Variants in SPTBN1 observed in about 807,000 individuals in gnomAD.
SPTBN1 encodes the protein spectrin beta, non-erythrocytic 1.
In SPTBN1, 32 loss-of-function variants were observed where a neutral mutation model predicts 266.4. That is an observed-to-expected ratio of 0.12 (90% CI 0.09 to 0.16). The LOEUF is 0.16. Among genes scored for constraint, SPTBN1 ranks in the 10% least tolerant of loss-of-function variants. SPTBN1 has a pLI of 1.00. For synonymous variants in SPTBN1, 1,336 were observed against 1,162.2 expected, an observed-to-expected ratio of 1.15 and a Z score of -3.04; for missense variants, 2,296 against 3,067.1, an observed-to-expected ratio of 0.75 and a Z score of 5.94.
rs1472910899 is a variant in SPTBN1, at chr2:54,558,934, G to T, written c.148+32368G>T. ...GGGCCTGTCCTGGGTGCCAACGGGG[G>T]TTCTTGGAGGCTTTATTTGTGACCC... On this transcript the variant is annotated intron_variant, in intron 2 of 35. Coordinates refer to ENST00000356805, the MANE Select transcript of SPTBN1 (RefSeq NM_003128.3). This position sits in a 1 kb window ranked among gnomAD's most constrained non-coding sequence, Gnocchi z 4.6. The T allele has an allele frequency of 6.3e-7, 1 of 1,589,086 alleles. No individual in the cohort carries two copies. The highest frequency in any genetic ancestry group is 8.6e-7 in the Non-Finnish European group (1 of 1,165,276).
intron 27 of SPTBN1, 97 bp from the exon 28 acceptor site, chr2:54,654,954 ACCATCAGTTTCTTTCAAGG>A (rs142851449): frequency 0.33 from 462,082 of 1,381,142 alleles, 79,228 homozygotes; most frequent in Admixed American, 0.41. Context: ...GACCTGAAAG[ACCATCAGTTTCTTTCAAGG>A]CCATCAGTTT....
chr2:54,605,059 CAG>C (rs1299020624), intron 3 of SPTBN1, among the ~76,000 whole-genome samples: 1 of 152,170 alleles, frequency 6.6e-6, no homozygotes, highest in Non-Finnish European at 1.5e-5. Flanking sequence ...GGAGGCAAGA[CAG>C]AGGACGCTTC....
chr2:54,632,031 C>A (rs1397898231), intron 16 of SPTBN1, among the ~76,000 whole-genome samples: 1 of 147,450 alleles, frequency 6.8e-6, no homozygotes, highest in Non-Finnish European at 1.5e-5. Flanking sequence ...TAGCCGTGAT[C>A]GTGCCACTGC....
Position 54,668,654 on chromosome 2 carries a change from G to C in SPTBN1, c.*85G>C. ...GCTCAGAACCAACACATTACTCTCTGTGCCTAATGTTCCTCAATGTGGTTG... is the reference window on the plus strand; with the variant it reads ...GCTCAGAACCAACACATTACTCTCTCTGCCTAATGTTCCTCAATGTGGTTG... On this transcript the variant is annotated 3_prime_UTR_variant, in exon 36 of 36. Transcript: ENST00000356805. 1.6e-6 allele frequency: 2 copies of C among 1,271,796 alleles called. No individual in the cohort carries two copies. The highest frequency in any genetic ancestry group is 2.4e-5 in the Admixed American group (1 of 42,436). 78.8% of individuals were successfully genotyped at this position (1,271,796 alleles called of 1,614,324 possible).
At chr2:54,483,331 T>C (rs1311221849) in intron 1 of SPTBN1, among the ~76,000 whole-genome samples, 1 of 152,212 alleles carries the variant, frequency 6.6e-6, no homozygotes, top group African/African-American at 2.4e-5. Context: ...TTATGTTCCA[T>C]GTTTGTTCAG....
At chr2:54,648,183 CCT>C (rs1553351985) in intron 24 of SPTBN1, among the ~76,000 whole-genome samples, 1 of 152,096 alleles carries the variant, frequency 6.6e-6, no homozygotes, top group Non-Finnish European at 1.5e-5. Flanking sequence ...AAGGAATTGG[CCT>C]TGTGCATTTA....
chr2:54,564,521 A>T (rs1673542361), intron 2 of SPTBN1, among the ~76,000 whole-genome samples: 1 of 152,174 alleles, frequency 6.6e-6, no homozygotes, highest in Non-Finnish European at 1.5e-5. Context: ...CATGTCTGGG[A>T]TTCATCTTTG....
rs777585032 is a variant in SPTBN1, at chr2:54,646,259, C to G, written c.4650C>G (p.Asn1550Lys). 1.2e-6 allele frequency: 2 copies of G among 1,614,144 alleles called. No homozygotes were observed. The highest frequency in any genetic ancestry group is 1.7e-6 in the Non-Finnish European group (2 of 1,180,010). The part of the protein sequence containing the change: ...RIDDIFERSQ[N>K]IVTDSSSLSA... ...ACGACATCTTTGAGAGGAGCCAAAA[C>G]ATCGTCACTGACAGCAGCAGCCTCA... The change falls in exon 23 of 36, where the codon AAC becomes AAG. Residue 1550 changes from asparagine to lysine, a missense_variant. Transcript: ENST00000356805. The surrounding 1 kb of genome is among the most constrained non-coding windows in gnomAD (Gnocchi z 4.4).
intron 1 of SPTBN1, among the ~76,000 whole-genome samples, chr2:54,513,179 C>G (rs553319585): frequency 5.3e-5 from 8 of 152,260 alleles, no homozygotes; most frequent in Non-Finnish European, 1.0e-4. Flanking sequence ...TGTCTCAAAA[C>G]AAGCAAGCAA....
rs577872004 is a variant in SPTBN1, at chr2:54,664,886, G to C, written c.6659+195G>C. 8.1e-6 allele frequency: 5 copies of C among 616,644 alleles called. No homozygotes were observed. The highest frequency in any genetic ancestry group is 1.4e-5 in the Non-Finnish European group (5 of 360,476). 38.2% of individuals were successfully genotyped at this position (616,644 alleles called of 1,614,324 possible). A position where few individuals can be genotyped will look rare whatever the true frequency, so the allele number is the denominator to read the frequency against. On this transcript the variant is annotated intron_variant, in intron 33 of 35. Transcript: ENST00000356805. The surrounding 1 kb of genome is among the most constrained non-coding windows in gnomAD (Gnocchi z 5.6). ...TGCTGGTTATTCACTGAGAGAAGAA[G>C]AGTTGAGTTTGGATGGGAGTAGCTA...
intron 1 of SPTBN1, among the ~76,000 whole-genome samples, chr2:54,511,276 T>C (rs1236515014): frequency 6.6e-6 from 1 of 152,246 alleles, no homozygotes; most frequent in Non-Finnish European, 1.5e-5. Context: ...AAGCTTGATA[T>C]TGAGTTCCTT....
At chr2:54,490,150 C>A (rs942192858) in intron 1 of SPTBN1, among the ~76,000 whole-genome samples, 30 of 150,976 alleles carry the variant, frequency 2.0e-4, no homozygotes, top group African/African-American at 6.8e-4. Context: ...CAGCTCACTG[C>A]AACCTCCGCC....
Position 54,670,770 on chromosome 2 carries a change from G to A in SPTBN1, c.*2201G>A, listed in dbSNP as rs1681658091. The A allele has an allele frequency of 2.5e-6, 1 of 398,484 alleles. No homozygotes were observed. The highest frequency in any genetic ancestry group is 4.4e-6 in the Non-Finnish European group (1 of 226,062). 24.7% of individuals were successfully genotyped at this position (398,484 alleles called of 1,614,324 possible). A position where few individuals can be genotyped will look rare whatever the true frequency, so the allele number is the denominator to read the frequency against. ...CGCAGATCTGTAGTTATGAAGCCAG[G>A]GTTTGGTGGTATTTGCTCTCTCTTG... On this transcript the variant is annotated 3_prime_UTR_variant, in exon 36 of 36. Coordinates refer to ENST00000356805, the MANE Select transcript of SPTBN1 (RefSeq NM_003128.3).
intron 1 of SPTBN1, among the ~76,000 whole-genome samples, chr2:54,479,751 A>G (rs1032377133): frequency 1.2e-4 from 19 of 152,362 alleles, no homozygotes; most frequent in African/African-American, 4.6e-4. Flanking sequence ...TAGCTATTCA[A>G]TAGTTGTAGC....
At chr2:54,612,558 G>C (rs1231761212) in intron 4 of SPTBN1, among the ~76,000 whole-genome samples, 5 of 152,162 alleles carry the variant, frequency 3.3e-5, no homozygotes, top group Admixed American at 6.5e-5. Context: ...GGTAATCTTA[G>C]CTTTCCTGTC....
intron 3 of SPTBN1, among the ~76,000 whole-genome samples, chr2:54,600,650 T>TC (rs1187946935): frequency 6.6e-6 from 1 of 152,100 alleles, no homozygotes; most frequent in Non-Finnish European, 1.5e-5. Flanking sequence ...TAACCAGACT[T>TC]CCTTTGTCTA....
Position 54,653,290 on chromosome 2 carries a change from A to T in SPTBN1, c.5578-319A>T, listed in dbSNP as rs1435116279. 3.9e-6 allele frequency: 1 copy of T among 259,088 alleles called. No individual in the cohort carries two copies. Among genetic ancestry groups the T allele is most frequent in the East Asian group, 9.4e-5 (1 of 10,676 alleles). 16.0% of individuals were successfully genotyped at this position (259,088 alleles called of 1,614,324 possible). ...ATTAGGTATTTATTTTTTGGACTGTATCTGAATATGTCCCACTCAGATATC... is the reference window on the plus strand; with the variant it reads ...ATTAGGTATTTATTTTTTGGACTGTTTCTGAATATGTCCCACTCAGATATC... On this transcript the variant is annotated intron_variant, in intron 26 of 35. Coordinates refer to ENST00000356805, the MANE Select transcript of SPTBN1 (RefSeq NM_003128.3). This position sits in a 1 kb window ranked among gnomAD's most constrained non-coding sequence, Gnocchi z 5.1.
chr2:54,559,354 T>C (rs12713260), intron 2 of SPTBN1, among the ~76,000 whole-genome samples: 121,425 of 152,104 alleles, frequency 0.8, 49,142 homozygotes, highest in African/African-American at 0.94. Flanking sequence ...CCTAAGCCTT[T>C]GGTAAATTAC....
chr2:54,638,695 C>T (rs1016537897), intron 18 of SPTBN1, among the ~76,000 whole-genome samples: 1 of 152,186 alleles, frequency 6.6e-6, no homozygotes, highest in Non-Finnish European at 1.5e-5. Flanking sequence ...ACAGACTCAG[C>T]CCTCTCTGGT....
Sources: gnomAD v4.1 joint callset for allele counts (sites outside exome capture counted in the v4.1 genomes callset) on GRCh38, gnomAD v4.1.1 for gene constraint, Gnocchi (gnomAD v3.1) non-coding constraint, MANE v1.5 for transcripts, NCBI Gene and HGNC (gene_info 2026-07-23, HGNC 2026-07-21) for gene names.